DLG2: variants seen among roughly 807,000 people sequenced by gnomAD.
DLG2 encodes the protein disks large homolog 2.
Under a neutral mutation model 132.5 loss-of-function variants are expected in DLG2, and 45 were observed. The ratio of observed to expected loss-of-function variants is 0.34; its 90% CI spans 0.27 to 0.44. The LOEUF is 0.44. DLG2 is among the 20% of genes least tolerant of loss of function. The pLI, the probability that DLG2 is intolerant of heterozygous loss-of-function variation, is 1.00. For missense variants in DLG2, 1,045 were observed against 1,196.9 expected (o/e 0.87, Z 1.87); for synonymous variants, 424 against 419.6 (o/e 1.01, Z -0.13).
intron 8 of DLG2, among the ~76,000 whole-genome samples, chr11:84,226,573 T>C (rs1347407568): frequency 9.9e-5 from 15 of 152,224 alleles, no homozygotes; most frequent in Admixed American, 8.5e-4. Flanking sequence ...ATATGCATTG[T>C]ACAGTTCATA....
At chr11:85,445,599 G>A (rs1305319422) in intron 3 of DLG2, among the ~76,000 whole-genome samples, 3 of 152,166 alleles carry the variant, frequency 2.0e-5, no homozygotes, top group Non-Finnish European at 2.9e-5. Context: ...AGAATCGCCT[G>A]AACCTGGGAG....
chr11:83,904,515 A>C (rs755914859), intron 15 of DLG2, among the ~76,000 whole-genome samples: 2 of 152,184 alleles, frequency 1.3e-5, no homozygotes, highest in Non-Finnish European at 1.5e-5. Context: ...CTTGGGAGAC[A>C]TTTATGAGCC....
At chr11:83,804,579 G>GAC (rs61221099) in intron 17 of DLG2, among the ~76,000 whole-genome samples, 317 of 142,116 alleles carry the variant, frequency 2.2e-3, no homozygotes, top group East Asian at 5.0e-3. Flanking sequence ...CCTAGCAGAA[G>GAC]ACACACACAC....
At chr11:83,918,278 G>A (rs2077257041) in intron 15 of DLG2, among the ~76,000 whole-genome samples, 1 of 152,172 alleles carries the variant, frequency 6.6e-6, no homozygotes, top group East Asian at 1.9e-4. Flanking sequence ...AACTAGCATT[G>A]TGGAGCTATG....
At chr11:84,957,483 T>C (rs1383252696) in intron 6 of DLG2, among the ~76,000 whole-genome samples, 2 of 152,176 alleles carry the variant, frequency 1.3e-5, no homozygotes, top group Non-Finnish European at 2.9e-5. Context: ...ACCTCACATA[T>C]CTTTACTCTG....
chr11:83,604,753 G>T (rs924117186), intron 19 of DLG2, among the ~76,000 whole-genome samples: 1 of 152,066 alleles, frequency 6.6e-6, no homozygotes, highest in Non-Finnish European at 1.5e-5. Context: ...TGGGGGCAGG[G>T]TATATGGAAA....
At chr11:85,375,398 C>T (rs547378991) in intron 3 of DLG2, among the ~76,000 whole-genome samples, 7 of 152,102 alleles carry the variant, frequency 4.6e-5, no homozygotes, top group East Asian at 1.9e-4. Flanking sequence ...GCTCTTTTTT[C>T]GACTGGGCAT....
At chr11:84,264,587 T>C (rs1008568966) in intron 7 of DLG2, among the ~76,000 whole-genome samples, 13 of 152,248 alleles carry the variant, frequency 8.5e-5, no homozygotes, top group African/African-American at 3.1e-4. Context: ...CTGTCACAAG[T>C]TGGAGAGTGA....
chr11:85,334,626 C>CT (rs368179972), intron 3 of DLG2, among the ~76,000 whole-genome samples: 1 of 151,418 alleles, frequency 6.6e-6, no homozygotes, highest in Non-Finnish European at 1.5e-5. Flanking sequence ...TTTGGTATAT[C>CT]TTTTTTTCAT....
At chr11:84,740,586 T>C (rs1278130718) in intron 6 of DLG2, among the ~76,000 whole-genome samples, 1 of 152,110 alleles carries the variant, frequency 6.6e-6, no homozygotes, top group Non-Finnish European at 1.5e-5. Context: ...GGCCAGTAGC[T>C]ACTGCACCTC....
At chr11:83,804,981 G>C (rs1211931138) in intron 17 of DLG2, among the ~76,000 whole-genome samples, 1 of 151,980 alleles carries the variant, frequency 6.6e-6, no homozygotes, top group Non-Finnish European at 1.5e-5. Flanking sequence ...TGCTTATAGA[G>C]TGTTCTGCAT....
intron 8 of DLG2, among the ~76,000 whole-genome samples, chr11:84,227,462 C>T (rs2097018035): frequency 6.6e-6 from 1 of 152,000 alleles, no homozygotes; most frequent in African/African-American, 2.4e-5. Flanking sequence ...TGTTTGTGCC[C>T]CCACTGAGCC....
chr11:85,451,939 G>A (rs1221108128), intron 3 of DLG2, among the ~76,000 whole-genome samples: 1 of 151,972 alleles, frequency 6.6e-6, no homozygotes, highest in East Asian at 1.9e-4. Context: ...AAACTCATTC[G>A]AGGCTTTTGC....
At chr11:85,343,851 T>C (rs2082661539) in intron 3 of DLG2, among the ~76,000 whole-genome samples, 1 of 152,190 alleles carries the variant, frequency 6.6e-6, no homozygotes, top group Non-Finnish European at 1.5e-5. Context: ...AGGGAGTGTT[T>C]TCTTGGCAAA....
At chr11:84,349,712 T>C (rs1019023649) in intron 7 of DLG2, among the ~76,000 whole-genome samples, 2 of 152,290 alleles carry the variant, frequency 1.3e-5, no homozygotes, top group East Asian at 1.9e-4. Flanking sequence ...GCCCTACTAA[T>C]TGTTGTAGAA....
intron 14 of DLG2, among the ~76,000 whole-genome samples, chr11:83,941,921 C>A (rs1033995333): frequency 6.6e-6 from 1 of 152,176 alleles, no homozygotes; most frequent in Non-Finnish European, 1.5e-5. Context: ...TGTCAGTACA[C>A]ATGGCACCGG....
At chr11:85,369,485 G>T (rs532633004) in intron 3 of DLG2, among the ~76,000 whole-genome samples, 132 of 150,172 alleles carry the variant, frequency 8.8e-4, no homozygotes, top group African/African-American at 2.9e-3. Context: ...TTTCCTTTTA[G>T]AAGACGTTTT....
chr11:84,902,027 A>G (rs1000288164), intron 6 of DLG2, among the ~76,000 whole-genome samples: 4 of 152,130 alleles, frequency 2.6e-5, no homozygotes, highest in Admixed American at 6.6e-5. Context: ...CCTAATAAAA[A>G]TATCTCCAGT....
At chr11:83,720,471 AATT>A (rs1445678379) in intron 18 of DLG2, among the ~76,000 whole-genome samples, 2 of 151,984 alleles carry the variant, frequency 1.3e-5, no homozygotes, top group African/African-American at 4.8e-5. Flanking sequence ...GGGAAATAAT[AATT>A]ACAACCTACA....
Sources: allele counts gnomAD v4.1 joint callset (sites outside exome capture counted in the v4.1 genomes callset), GRCh38; gene constraint gnomAD v4.1.1; transcripts MANE v1.5; gene names NCBI Gene and HGNC (gene_info 2026-07-23, HGNC 2026-07-21).